Variants in OIT3 observed in about 807,000 individuals in gnomAD.
OIT3 encodes oncoprotein-induced transcript 3 protein.
Under a neutral mutation model 52.2 loss-of-function variants are expected in OIT3, and 41 were observed. The observed-to-expected ratio is 0.79, with a 90% confidence interval of 0.61 to 1.02. OIT3 has a LOEUF of 1.02. OIT3 is among the 50% of genes least tolerant of loss of function. The pLI is 0.00. For missense variants in OIT3, 634 were observed against 715.5 expected, an observed-to-expected ratio of 0.89 and a Z score of 1.30; for synonymous variants, 244 against 276.9, an observed-to-expected ratio of 0.88 and a Z score of 1.18.
At chr10:72,918,464 C>T in intron 6 of OIT3, 5 of 958,206 alleles carry the variant, frequency 5.2e-6, no homozygotes, top group Non-Finnish European at 8.4e-6. Context: ...CTTTGTCAGC[C>T]TTAATTCACA....
chr10:72,895,494 G>T (rs1845867808), intron 1 of OIT3, among the ~76,000 whole-genome samples: 1 of 152,214 alleles, frequency 6.6e-6, no homozygotes, highest in Non-Finnish European at 1.5e-5. Context: ...GAGGACAGGG[G>T]AAGTGAGAGA....
chr10:72,895,656 G>A (rs1379019437), intron 1 of OIT3, among the ~76,000 whole-genome samples: 4 of 152,188 alleles, frequency 2.6e-5, no homozygotes, highest in African/African-American at 7.2e-5. Flanking sequence ...GCTGTCTGCC[G>A]GATAGGACCT....
chr10:72,916,057 G>A (rs1453597085), intron 6 of OIT3, among the ~76,000 whole-genome samples: 4 of 152,148 alleles, frequency 2.6e-5, no homozygotes, highest in African/African-American at 9.6e-5. Context: ...GATGGGTGAG[G>A]AAAGATGTCA....
chr10:72,909,087 C>T (rs1456540948), intron 4 of OIT3, among the ~76,000 whole-genome samples: 2 of 150,812 alleles, frequency 1.3e-5, no homozygotes, highest in Non-Finnish European at 3.0e-5. Context: ...CACCCTGCTC[C>T]CTCCTCCTAC....
intron 4 of OIT3, among the ~76,000 whole-genome samples, chr10:72,909,153 T>G (rs1054003630): frequency 4.2e-5 from 6 of 142,478 alleles, no homozygotes; most frequent in Admixed American, 1.5e-4. Flanking sequence ...AAGGTCTCAC[T>G]CTGTCACCCA....
chr10:72,927,936 A>G (rs1264215697), intron 7 of OIT3, among the ~76,000 whole-genome samples: 1 of 152,086 alleles, frequency 6.6e-6, no homozygotes, highest in Admixed American at 6.6e-5. Context: ...CTTCTTCCTC[A>G]ATTCCTAGCA....
Position 72,900,268 on chromosome 10 carries a change from G to A in OIT3, c.437-109G>A, listed in dbSNP as rs574766056. On this transcript the variant is annotated intron_variant, in intron 2 of 8. Coordinates refer to ENST00000334011, the MANE Select transcript of OIT3 (RefSeq NM_152635.3). ...GCCCAGGGGTTCGAGGCCAGCCTGG[G>A]CAACATAGGGATACCACCCCCCCCG... 7.2e-5 allele frequency: 47 copies of A among 657,122 alleles called. No individual in the cohort carries two copies. The Admixed American group carries it at 9.1e-4, about 13-fold the overall frequency. The allele number at this position is 657,122 out of a possible 1,614,324, so 40.7% of individuals were successfully genotyped here.
chr10:72,916,077 G>C (rs1360664633), intron 6 of OIT3, among the ~76,000 whole-genome samples: 1 of 152,110 alleles, frequency 6.6e-6, no homozygotes, highest in Non-Finnish European at 1.5e-5. Context: ...AGCCCCTAAT[G>C]AGTTCTACTC....
chr10:72,924,731 G>T, intron 7 of OIT3, 87 bp downstream of exon 7: 3 of 1,073,900 alleles, frequency 2.8e-6, no homozygotes, highest in Non-Finnish European at 4.0e-6. Flanking sequence ...TACTAAAACT[G>T]CATGGTACCA....
chr10:72,898,135 A>T (rs1250060048), intron 1 of OIT3, among the ~76,000 whole-genome samples: 1 of 151,524 alleles, frequency 6.6e-6, no homozygotes, highest in Non-Finnish European at 1.5e-5. Flanking sequence ...AAAAAAAAAA[A>T]AATTAGCCAG....
chr10:72,932,263 A>G (rs2070411259), intron 8 of OIT3, 91 bp from the exon 9 acceptor site: 2 of 1,133,572 alleles, frequency 1.8e-6, no homozygotes, highest in Non-Finnish European at 2.6e-6. Flanking sequence ...ACATGACTTA[A>G]TGTTTAGGAA....
In OIT3 at chr10:72,913,374, A is replaced by T. The variant is rs753318014; in HGVS notation, c.857A>T (p.Glu286Val). The change falls in exon 6 of 9, where the codon GAG becomes GTG. Residue 286 changes from glutamate to valine, a missense_variant. Physicochemically the swap from Glu to Val is moderately radical, Grantham distance 121. Transcript: ENST00000334011. ...CCCAGGGAGCTGGTTGGTGGCCTGG[A>T]GCTCTTCCTGACCAACACCTCCTGC... ...NIPRELVGGL[E>V]LFLTNTSCRG... 2 of 1,613,768 alleles carry T rather than the reference A, an allele frequency of 1.2e-6. No individual in the cohort carries two copies. Among genetic ancestry groups the T allele is most frequent in the South Asian group, 2.2e-5 (2 of 91,060 alleles).
chr10:72,908,577 A>T (rs1273546925), intron 4 of OIT3, among the ~76,000 whole-genome samples: 1 of 152,220 alleles, frequency 6.6e-6, no homozygotes, highest in African/African-American at 2.4e-5. Context: ...GTCTAAATGT[A>T]TTTTAAACTT....
At chr10:72,906,497 A>G in intron 3 of OIT3, 99 bp from the exon 4 acceptor site, 1 of 1,350,274 alleles carries the variant, frequency 7.4e-7, no homozygotes, top group Non-Finnish European at 1.0e-6. Flanking sequence ...TGGAAGGTGC[A>G]TCAACAGGAT....
intron 7 of OIT3, among the ~76,000 whole-genome samples, chr10:72,927,507 C>T (rs2132949952): frequency 6.6e-6 from 1 of 152,230 alleles, no homozygotes; most frequent in African/African-American, 2.4e-5. Flanking sequence ...TTAGCACATA[C>T]AGAAGAGAAA....
rs79372710 is a variant in OIT3 at position 72,930,682 on chromosome 10, T to C, written c.1467+45T>C. On this transcript the variant is annotated intron_variant, in intron 8 of 8. Transcript: ENST00000334011. Reference sequence around the variant, plus strand: ...TTTATAACCCCTGAACCTGAGCCTTTTTTTTTTTTTTTTTGGTGTCCCAGT... The same window carrying C: ...TTTATAACCCCTGAACCTGAGCCTTCTTTTTTTTTTTTTTGGTGTCCCAGT... 5.8e-5 allele frequency: 34 copies of C among 586,210 alleles called. No individual in the cohort carries two copies. The Admixed American group carries it at 1.1e-3, about 19-fold the overall frequency. 36.3% of individuals were successfully genotyped at this position (586,210 alleles called of 1,614,324 possible). A position where few individuals can be genotyped will look rare whatever the true frequency, so the allele number is the denominator to read the frequency against.
chr10:72,902,526 T>A (rs1845943228), intron 3 of OIT3, among the ~76,000 whole-genome samples: 1 of 152,144 alleles, frequency 6.6e-6, no homozygotes, highest in African/African-American at 2.4e-5. Context: ...AATATATATA[T>A]GTGTATTAGT....
intron 4 of OIT3, among the ~76,000 whole-genome samples, chr10:72,907,577 G>C (rs1414494840): frequency 6.6e-6 from 1 of 152,170 alleles, no homozygotes; most frequent in Non-Finnish European, 1.5e-5. Flanking sequence ...TGGAGCCTTG[G>C]CTTCAGAGGA....
At position 72,924,372 on chromosome 10, in the gene OIT3, T is replaced by C; in HGVS notation, c.1095T>C (p.Ser365=). The part of the protein sequence containing the change: ...TCEFPRLYTI[S]EGYVPNLRNS... ...AGTTTCCACGCCTGTACACCATTTC[T>C]GAAGGATACGTTCCCAACCTTCGAA... The change falls in exon 7 of 9, where the codon TCT becomes TCC. Residue 365 remains serine (S), a synonymous_variant. Coordinates refer to ENST00000334011, the MANE Select transcript of OIT3 (RefSeq NM_152635.3). 6.2e-7 allele frequency: 1 copy of C among 1,614,146 alleles called. No individual in the cohort carries two copies. The highest frequency in any genetic ancestry group is 8.5e-7 in the Non-Finnish European group (1 of 1,180,012).
Sources: allele counts gnomAD v4.1 joint callset (sites outside exome capture counted in the v4.1 genomes callset), GRCh38; gene constraint gnomAD v4.1.1; transcripts MANE v1.5; gene names NCBI Gene and HGNC (gene_info 2026-07-23, HGNC 2026-07-21).